The following KDM7A variants were observed in gnomAD, a reference collection of about 807,000 sequenced individuals.
KDM7A encodes lysine-specific demethylase 7A.
In KDM7A, 28 loss-of-function variants were observed where a neutral mutation model predicts 114.8. That is an observed-to-expected ratio of 0.24 (90% CI 0.18 to 0.33). The LOEUF is 0.33. Among genes scored for constraint, KDM7A ranks in the 10% least tolerant of loss-of-function variants. KDM7A has a pLI of 1.00. For missense variants in KDM7A, 942 were observed against 1,142.5 expected (o/e 0.82, Z 2.53); for synonymous variants, 423 against 397.8 (o/e 1.06, Z -0.75).
intron 11 of KDM7A, among the ~76,000 whole-genome samples, chr7:140,110,242 G>T (rs1416862163): frequency 6.6e-6 from 1 of 152,026 alleles, no homozygotes; most frequent in African/African-American, 2.4e-5. Flanking sequence ...TGGTTATCAT[G>T]CATGAGATTT....
At chr7:140,101,009 AT>A (rs1193038648) in intron 12 of KDM7A, among the ~76,000 whole-genome samples, 347 of 138,444 alleles carry the variant, frequency 2.5e-3, no homozygotes, top group Middle Eastern at 7.6e-3. Context: ...CGGCCTCCCA[AT>A]TTTTTTTTTT....
intron 18 of KDM7A, among the ~76,000 whole-genome samples, chr7:140,092,616 C>T (rs905446341): frequency 2.0e-5 from 3 of 151,896 alleles, no homozygotes; most frequent in East Asian, 1.9e-4. Context: ...GCAAAAAAAA[C>T]GCTACTGATT....
rs747404317 is a variant in KDM7A, at chr7:140,176,720, C to T, written c.194+24G>A. On this transcript the variant is annotated intron_variant, in intron 1 of 19. Transcript: ENST00000397560. This position sits in a 1 kb window ranked among gnomAD's most constrained non-coding sequence, Gnocchi z 4.4. ...GGTCGGTGGCCGGCGGTGGCGGCTG[C>T]GGGGCTGGAGGGGGTTTATTTACCT... 5 of 1,240,258 alleles carry T rather than the reference C, an allele frequency of 4.0e-6. No individual in the cohort carries two copies. Among genetic ancestry groups the T allele is most frequent in the South Asian group, 2.0e-5 (1 of 48,782 alleles). 76.8% of individuals were successfully genotyped at this position (1,240,258 alleles called of 1,614,324 possible).
intron 18 of KDM7A, among the ~76,000 whole-genome samples, chr7:140,092,763 A>G (rs564364513): frequency 6.6e-6 from 1 of 152,204 alleles, no homozygotes; most frequent in Non-Finnish European, 1.5e-5. Context: ...TCCATCCTCT[A>G]TGTCTTCATT....
At position 140,098,953 on chromosome 7, in the gene KDM7A, T is replaced by G; in HGVS notation, c.1844A>C (p.Lys615Thr). ...ENEEDKRRTK[K>T]AKMKIEESSG... Reference sequence around the variant, plus strand: ...ACTCTCTTCTATCTTCATTTTTGCCTTTTTTGTCCTTCTTTTATCCTCTTC... The same window carrying G: ...ACTCTCTTCTATCTTCATTTTTGCCGTTTTTGTCCTTCTTTTATCCTCTTC... Residue 615 changes from lysine (K) to threonine (T), a missense_variant, in exon 14 of 20, where the codon AAG (lysine) becomes ACG (threonine). Transcript: ENST00000397560. 1 of 1,613,132 alleles carries G rather than the reference T, an allele frequency of 6.2e-7. No individual in the cohort carries two copies. The highest frequency in any genetic ancestry group is 2.2e-5 in the East Asian group (1 of 44,860).
intron 19 of KDM7A, 60 bp from the exon 20 acceptor site, chr7:140,091,248 G>T: frequency 9.0e-7 from 1 of 1,112,920 alleles, no homozygotes; most frequent in Non-Finnish European, 1.4e-6. Context: ...GAGAGCACCT[G>T]GAAGACTACG....
intron 11 of KDM7A, among the ~76,000 whole-genome samples, chr7:140,110,671 A>G (rs1358835719): frequency 1.3e-5 from 2 of 152,130 alleles, no homozygotes; most frequent in East Asian, 3.9e-4. Context: ...TTACCTAAGC[A>G]TCTCCTTGCC....
intron 1 of KDM7A, among the ~76,000 whole-genome samples, chr7:140,166,032 G>C (rs959004720): frequency 2.6e-5 from 4 of 152,122 alleles, no homozygotes; most frequent in Admixed American, 6.6e-5. Flanking sequence ...TTCAGTTACT[G>C]TTGTTAATCT....
At chr7:140,168,724 A>G (rs1187547000) in intron 1 of KDM7A, among the ~76,000 whole-genome samples, 2 of 152,342 alleles carry the variant, frequency 1.3e-5, no homozygotes, top group South Asian at 2.1e-4. Flanking sequence ...CTAAGGCCAA[A>G]GGCAAAAAAG....
chr7:140,117,538 G>T (rs1399823479), intron 9 of KDM7A, among the ~76,000 whole-genome samples: 1 of 152,060 alleles, frequency 6.6e-6, no homozygotes, highest in Admixed American at 6.6e-5. Context: ...TGGAGTCTTG[G>T]GACAGAGAGA....
chr7:140,132,748 A>G (rs6464552), intron 3 of KDM7A, among the ~76,000 whole-genome samples: 95,915 of 152,174 alleles, frequency 0.63, 31,281 homozygotes, highest in African/African-American at 0.81. Context: ...ATGTTTCTGC[A>G]TAAGGATTAA....
At chr7:140,125,746 T>C (rs1201332953) in intron 6 of KDM7A, among the ~76,000 whole-genome samples, 1 of 148,532 alleles carries the variant, frequency 6.7e-6, no homozygotes, top group Non-Finnish European at 1.5e-5. Flanking sequence ...TTTTAATTTT[T>C]ACTTTTAGAG....
intron 17 of KDM7A, chr7:140,095,665 C>G: frequency 3.6e-6 from 1 of 279,978 alleles, no homozygotes; most frequent in South Asian, 2.9e-5. Flanking sequence ...ATCACTTGAG[C>G]TCAGGAGTTG....
chr7:140,168,334 G>A (rs940811513), intron 1 of KDM7A, among the ~76,000 whole-genome samples: 7 of 152,178 alleles, frequency 4.6e-5, no homozygotes, highest in African/African-American at 1.2e-4. Flanking sequence ...GGAAGGCCAA[G>A]GTGGGCAGAT....
intron 1 of KDM7A, among the ~76,000 whole-genome samples, chr7:140,143,074 G>A (rs945272252): frequency 6.6e-6 from 1 of 151,552 alleles, no homozygotes; most frequent in African/African-American, 2.4e-5. Flanking sequence ...CCCACTACTC[G>A]GAGGCTGAGG....
At chr7:140,124,570 C>A in intron 7 of KDM7A, 51 bp downstream of exon 7, 1 of 1,413,164 alleles carries the variant, frequency 7.1e-7, no homozygotes. Context: ...TAAAAGCCAA[C>A]TCCATGTGAC....
Position 140,176,908 on chromosome 7 carries a change from C to G in KDM7A, c.30G>C (p.Ala10=). The change falls in exon 1 of 20, where the codon GCG becomes GCC. Residue 10 remains alanine (A), a synonymous_variant. Transcript: ENST00000397560. The surrounding 1 kb of genome is among the most constrained non-coding windows in gnomAD (Gnocchi z 4.4). ...CCGCGGCGGCTCCAGCTGCTGCTCCCGCGGCCACCGCCGCCGCCGCTCCGG... is the reference window on the plus strand; with the variant it reads ...CCGCGGCGGCTCCAGCTGCTGCTCCGGCGGCCACCGCCGCCGCCGCTCCGG... MAGAAAAVA[A]GAAAGAAAAA... The G allele has an allele frequency of 8.5e-7, 1 of 1,171,640 alleles. No homozygotes were observed. Among genetic ancestry groups the G allele is most frequent in the South Asian group, 3.7e-5 (1 of 27,210 alleles). The allele number at this position is 1,171,640 out of a possible 1,614,324, so 72.6% of individuals were successfully genotyped here.
intron 19 of KDM7A, 87 bp downstream of exon 19, chr7:140,091,717 T>G: frequency 7.0e-7 from 1 of 1,421,940 alleles, no homozygotes; most frequent in Non-Finnish European, 9.8e-7. Context: ...GTTGAACAAC[T>G]TGAGTGCAGA....
At chr7:140,130,344 G>A (rs1327501367) in intron 3 of KDM7A, among the ~76,000 whole-genome samples, 1 of 152,162 alleles carries the variant, frequency 6.6e-6, no homozygotes, top group Non-Finnish European at 1.5e-5. Context: ...GTCAGGCCAG[G>A]CACGGTGGCT....
Sources: allele counts gnomAD v4.1 joint callset (sites outside exome capture counted in the v4.1 genomes callset), GRCh38; gene constraint gnomAD v4.1.1; non-coding constraint Gnocchi (gnomAD v3.1); transcripts MANE v1.5; gene names NCBI Gene and HGNC (gene_info 2026-07-23, HGNC 2026-07-21).